Variants in PDE4D observed in about 807,000 individuals in gnomAD.
PDE4D encodes 3',5'-cyclic-AMP phosphodiesterase 4D.
Under a neutral mutation model 87.4 loss-of-function variants are expected in PDE4D, and 24 were observed. That is an observed-to-expected ratio of 0.27 (90% CI 0.20 to 0.39). PDE4D has a LOEUF of 0.39. Among genes scored for constraint, PDE4D ranks in the 10% least tolerant of loss-of-function variants. The pLI is 1.00. For synonymous variants in PDE4D, 384 were observed against 383.2 expected (o/e 1.00, Z -0.02); for missense variants, 714 against 1,041.0 (o/e 0.69, Z 4.32).
intron 1 of PDE4D, among the ~76,000 whole-genome samples, chr5:59,699,920 T>A (rs1039284913): frequency 6.6e-6 from 1 of 152,154 alleles, no homozygotes; most frequent in Non-Finnish European, 1.5e-5. Flanking sequence ...CCTAAGAGAA[T>A]CTTAATAGCT....
chr5:60,504,209 G>A (rs1369808518), intron 1 of PDE4D, among the ~76,000 whole-genome samples: 2 of 151,496 alleles, frequency 1.3e-5, no homozygotes, highest in Non-Finnish European at 2.9e-5. Context: ...TGTTTTGAAT[G>A]TATTATCAAA....
intron 1 of PDE4D, among the ~76,000 whole-genome samples, chr5:59,388,891 T>C (rs1246254815): frequency 1.3e-5 from 2 of 152,084 alleles, no homozygotes; most frequent in Non-Finnish European, 1.5e-5. Flanking sequence ...ATTTGATCTA[T>C]CTATATCAAT....
intron 1 of PDE4D, among the ~76,000 whole-genome samples, chr5:59,726,728 C>A (rs980930190): frequency 6.6e-6 from 1 of 152,018 alleles, no homozygotes; most frequent in African/African-American, 2.4e-5. Context: ...ACAACTTTAG[C>A]TAAAGGAATA....
At chr5:59,259,348 C>T (rs1455537515) in intron 1 of PDE4D, among the ~76,000 whole-genome samples, 1 of 151,836 alleles carries the variant, frequency 6.6e-6, no homozygotes, top group Non-Finnish European at 1.5e-5. Context: ...GAATCCACCC[C>T]CATCTCTCCA....
At chr5:59,956,470 T>A (rs1334968410) in intron 3 of PDE4D, among the ~76,000 whole-genome samples, 2 of 151,930 alleles carry the variant, frequency 1.3e-5, no homozygotes, top group African/African-American at 2.4e-5. Context: ...ACATACTCAT[T>A]GTGGAAAAAA....
intron 3 of PDE4D, among the ~76,000 whole-genome samples, chr5:59,917,388 T>C (rs10051923): frequency 0.35 from 53,176 of 151,814 alleles, 10,301 homozygotes; most frequent in East Asian, 0.74. Flanking sequence ...CACAAAGCTA[T>C]AACTGCTTCA....
chr5:59,864,859 T>G (rs1746787561), intron 1 of PDE4D, among the ~76,000 whole-genome samples: 1 of 152,120 alleles, frequency 6.6e-6, no homozygotes, highest in African/African-American at 2.4e-5. Flanking sequence ...GGCTGATACA[T>G]GATGTCACTC....
chr5:59,172,162 T>C (rs1783052224), intron 5 of PDE4D, among the ~76,000 whole-genome samples: 1 of 103,310 alleles, frequency 9.7e-6, no homozygotes, highest in South Asian at 2.5e-4. Flanking sequence ...TATATATTTA[T>C]ATAATATATG....
chr5:60,317,535 G>T (rs1174582191), intron 1 of PDE4D, among the ~76,000 whole-genome samples: 1 of 152,112 alleles, frequency 6.6e-6, no homozygotes, highest in Non-Finnish European at 1.5e-5. Flanking sequence ...GCTAGCTTTT[G>T]AATGTGTTTG....
intron 1 of PDE4D, among the ~76,000 whole-genome samples, chr5:59,387,598 C>T (rs1289801967): frequency 6.6e-6 from 1 of 151,878 alleles, no homozygotes; most frequent in Non-Finnish European, 1.5e-5. Context: ...TTTTATAAAC[C>T]TCGTACTGTC....
chr5:59,424,589 A>G (rs1478034576), intron 1 of PDE4D, among the ~76,000 whole-genome samples: 5 of 152,142 alleles, frequency 3.3e-5, no homozygotes, highest in African/African-American at 1.2e-4. Flanking sequence ...GAGTGCCAAC[A>G]GGGGAAATGC....
chr5:60,010,848 G>A (rs10073437), intron 2 of PDE4D, among the ~76,000 whole-genome samples: 111,276 of 152,038 alleles, frequency 0.73, 41,273 homozygotes, highest in East Asian at 0.89. Context: ...AAAGCATTCA[G>A]TTATTGGTAT....
chr5:60,234,934 T>C (rs1176656135), intron 1 of PDE4D, among the ~76,000 whole-genome samples: 1 of 151,768 alleles, frequency 6.6e-6, no homozygotes, highest in East Asian at 1.9e-4. Context: ...GAAGACGAAA[T>C]TGACGTCCTG....
intron 1 of PDE4D, among the ~76,000 whole-genome samples, chr5:59,642,881 T>C (rs1741836334): frequency 6.6e-6 from 1 of 152,212 alleles, no homozygotes; most frequent in Non-Finnish European, 1.5e-5. Flanking sequence ...AAAATACTTC[T>C]AATAAACTCT....
In PDE4D at chr5:60,148,538, A is replaced by T. The variant is rs145254297; in HGVS notation, c.42+37019T>A. On this transcript the variant is annotated intron_variant, in intron 2 of 16. Transcript: ENST00000502484. Reference sequence around the variant, plus strand: ...CTGCAGTCTTGGTATTTGGCTCTGGAATCAATCCCCTACAGATTCCAAGGG... The same window carrying T: ...CTGCAGTCTTGGTATTTGGCTCTGGTATCAATCCCCTACAGATTCCAAGGG... Among the ~76,000 whole-genome samples the T allele has an allele frequency of 6.3e-3, 961 of 152,294 alleles. 8 individuals are homozygous for T. The highest frequency in any genetic ancestry group is 0.022 in the African/African-American group (916 of 41,556).
At chr5:60,165,074 C>T (rs920728166) in intron 2 of PDE4D, among the ~76,000 whole-genome samples, 1 of 152,112 alleles carries the variant, frequency 6.6e-6, no homozygotes, top group Non-Finnish European at 1.5e-5. Flanking sequence ...CTACCATTTA[C>T]TTCTTTATTT....
At chr5:59,560,118 G>A (rs1227014010) in intron 1 of PDE4D, among the ~76,000 whole-genome samples, 2 of 152,178 alleles carry the variant, frequency 1.3e-5, no homozygotes, top group Admixed American at 6.5e-5. Flanking sequence ...TGAATACTCC[G>A]AAGAAATGTA....
intron 2 of PDE4D, chr5:59,215,558 T>C (rs1044413225): frequency 1.7e-5 from 6 of 346,782 alleles, no homozygotes; most frequent in Admixed American, 4.6e-5. Flanking sequence ...CATGCGTGTG[T>C]GTGTGTGTGT....
chr5:59,616,062 G>A (rs431381), intron 1 of PDE4D, among the ~76,000 whole-genome samples: 113,131 of 151,464 alleles, frequency 0.75, 42,613 homozygotes, highest in South Asian at 0.87. Context: ...TTGGTGTGCT[G>A]CACCCATTAA....
Sources: gnomAD v4.1 joint callset for allele counts (sites outside exome capture counted in the v4.1 genomes callset) on GRCh38, gnomAD v4.1.1 for gene constraint, MANE v1.5 for transcripts, NCBI Gene and HGNC (gene_info 2026-07-23, HGNC 2026-07-21) for gene names.